EYA1: variants seen among roughly 807,000 people sequenced by gnomAD.
EYA1 encodes protein phosphatase EYA1.
EYA1 carries 16 observed loss-of-function variants against 82.0 expected under a neutral mutation model. The ratio of observed to expected loss-of-function variants is 0.20; its 90% CI spans 0.13 to 0.30. The LOEUF is 0.30. Ranked by LOEUF, EYA1 falls within the 10% of genes least tolerant of loss-of-function variation. The probability of loss-of-function intolerance (pLI) is 1.00; values close to 1 mark genes in which losing one functional copy is unlikely to be tolerated. For missense variants in EYA1, 633 were observed against 730.7 expected (o/e 0.87, Z 1.54); for synonymous variants, 261 against 264.4 (o/e 0.99, Z 0.12).
chr8:71,455,998 G>C (rs1003052445), intron 2 of EYA1, among the ~76,000 whole-genome samples: 8 of 152,070 alleles, frequency 5.3e-5, no homozygotes, highest in Admixed American at 1.3e-4. Flanking sequence ...GATTGTATAT[G>C]TAGAAAACCC....
intron 2 of EYA1, among the ~76,000 whole-genome samples, chr8:71,437,153 G>T (rs1265022404): frequency 1.3e-5 from 2 of 150,128 alleles, no homozygotes; most frequent in African/African-American, 2.4e-5. Context: ...CTGTATAAAA[G>T]TATATGTGTA....
intron 7 of EYA1, among the ~76,000 whole-genome samples, chr8:71,314,691 C>T (rs933463293): frequency 2.0e-5 from 3 of 152,044 alleles, no homozygotes; most frequent in South Asian, 4.1e-4. Flanking sequence ...ATTAGGAATA[C>T]TCAACCTGTA....
intron 2 of EYA1, among the ~76,000 whole-genome samples, chr8:71,499,872 G>T (rs552763178): frequency 6.6e-6 from 1 of 152,138 alleles, no homozygotes; most frequent in Non-Finnish European, 1.5e-5. Flanking sequence ...CCAGAAAGGC[G>T]CAAGAAAACA....
chr8:71,426,680 G>A (rs749750733), intron 2 of EYA1, among the ~76,000 whole-genome samples: 15 of 152,164 alleles, frequency 9.9e-5, no homozygotes, highest in Non-Finnish European at 2.1e-4. Flanking sequence ...TAGAGATCTA[G>A]TTTACTCAAA....
Position 71,199,334 on chromosome 8 carries a change from G to A in EYA1, c.*6C>T. Reference sequence around the variant, plus strand: ...CAGCTGTGCGCTGTCAAAGTGCCGAGCGCTGTTACAGGTACTCCAGTTCCA... The same window carrying A: ...CAGCTGTGCGCTGTCAAAGTGCCGAACGCTGTTACAGGTACTCCAGTTCCA... On this transcript the variant is annotated 3_prime_UTR_variant, in exon 18 of 18. Transcript: ENST00000340726. 6.2e-7 allele frequency: 1 copy of A among 1,604,464 alleles called. No individual in the cohort carries two copies. Among genetic ancestry groups the A allele is most frequent in the Non-Finnish European group, 8.5e-7 (1 of 1,173,088 alleles).
intron 1 of EYA1, among the ~76,000 whole-genome samples, chr8:71,538,456 A>G (rs1814885286): frequency 6.6e-6 from 1 of 152,242 alleles, no homozygotes; most frequent in Non-Finnish European, 1.5e-5. Context: ...AGACAGTTAA[A>G]TGGTGGTGCT....
At chr8:71,462,419 C>T (rs755042076) in intron 2 of EYA1, among the ~76,000 whole-genome samples, 2 of 152,146 alleles carry the variant, frequency 1.3e-5, no homozygotes, top group Admixed American at 6.5e-5. Context: ...GCAGTGGGAG[C>T]AGACAACCAC....
At chr8:71,227,071 T>A (rs1043207750) in intron 12 of EYA1, among the ~76,000 whole-genome samples, 3 of 152,122 alleles carry the variant, frequency 2.0e-5, no homozygotes, top group Non-Finnish European at 1.5e-5. Flanking sequence ...ATATTTAAAA[T>A]GGTATATAAC....
intron 7 of EYA1, among the ~76,000 whole-genome samples, chr8:71,316,303 G>A (rs916213002): frequency 6.6e-6 from 1 of 152,104 alleles, no homozygotes; most frequent in Non-Finnish European, 1.5e-5. Flanking sequence ...ATAATTAAAG[G>A]TGTGTAGATA....
intron 2 of EYA1, among the ~76,000 whole-genome samples, chr8:71,460,189 A>C (rs977635374): frequency 2.6e-5 from 4 of 152,212 alleles, no homozygotes; most frequent in African/African-American, 9.6e-5. Context: ...AATTTGTGAT[A>C]AAGTTCTGAA....
intron 11 of EYA1, among the ~76,000 whole-genome samples, chr8:71,259,741 G>A (rs1352521007): frequency 6.6e-6 from 1 of 152,132 alleles, no homozygotes; most frequent in East Asian, 1.9e-4. Context: ...GAAACCTGTT[G>A]TTTATCTCTT....
intron 12 of EYA1, among the ~76,000 whole-genome samples, chr8:71,228,934 G>A (rs1420705719): frequency 6.6e-6 from 1 of 152,200 alleles, no homozygotes; most frequent in Admixed American, 6.5e-5. Flanking sequence ...AGTAGGTTTT[G>A]CTGTTCCAGG....
intron 12 of EYA1, among the ~76,000 whole-genome samples, chr8:71,236,025 G>A (rs1257652220): frequency 6.6e-6 from 1 of 151,792 alleles, no homozygotes; most frequent in Non-Finnish European, 1.5e-5. Context: ...TGCCATACGT[G>A]TTGAATACAA....
At chr8:71,346,464 A>ATATATATATATAT (rs1825755122) in intron 3 of EYA1, among the ~76,000 whole-genome samples, 3 of 144,622 alleles carry the variant, frequency 2.1e-5, no homozygotes, top group Non-Finnish European at 4.5e-5. Flanking sequence ...ATCTATATAT[A>ATATATATATATAT]TCCTTCTCCC....
intron 2 of EYA1, among the ~76,000 whole-genome samples, chr8:71,497,117 G>T (rs557500170): frequency 6.6e-6 from 1 of 152,188 alleles, no homozygotes; most frequent in African/African-American, 2.4e-5. Context: ...TAAAGCTGGG[G>T]TGTCCAATCT....
At chr8:71,500,135 G>A (rs1044258744) in intron 2 of EYA1, among the ~76,000 whole-genome samples, 1 of 152,188 alleles carries the variant, frequency 6.6e-6, no homozygotes, top group African/African-American at 2.4e-5. Context: ...AGGTATGAGA[G>A]TGACTCTCTA....
At chr8:71,268,852 G>T (rs1326031290) in intron 11 of EYA1, among the ~76,000 whole-genome samples, 1 of 152,084 alleles carries the variant, frequency 6.6e-6, no homozygotes, top group Non-Finnish European at 1.5e-5. Flanking sequence ...AACAGTATGT[G>T]CATTTTAATG....
At chr8:71,209,832 A>G (rs1220859800) in intron 17 of EYA1, among the ~76,000 whole-genome samples, 2 of 152,242 alleles carry the variant, frequency 1.3e-5, no homozygotes, top group African/African-American at 4.8e-5. Flanking sequence ...AGAAACATTT[A>G]CAGAGTACAA....
At chr8:71,272,951 G>T (rs1816723802) in intron 9 of EYA1, among the ~76,000 whole-genome samples, 1 of 152,288 alleles carries the variant, frequency 6.6e-6, no homozygotes, top group African/African-American at 2.4e-5. Flanking sequence ...ACAACTGAAG[G>T]CTTGGTAGCC....
Sources: allele counts gnomAD v4.1 joint callset (sites outside exome capture counted in the v4.1 genomes callset), GRCh38; gene constraint gnomAD v4.1.1; transcripts MANE v1.5; gene names NCBI Gene and HGNC (gene_info 2026-07-23, HGNC 2026-07-21).